GABRB1: variants seen among roughly 807,000 people sequenced by gnomAD.
The protein encoded by GABRB1 is gamma-aminobutyric acid type A receptor subunit beta1.
A neutral mutation model predicts 51.6 loss-of-function variants in GABRB1; 17 were observed. The ratio of observed to expected loss-of-function variants is 0.33; its 90% CI spans 0.23 to 0.49. The LOEUF (loss-of-function observed/expected upper bound fraction) is 0.49, where lower values mean the gene tolerates loss of function less well. GABRB1 is among the 20% of genes least tolerant of loss of function. The pLI is 0.99. For missense variants in GABRB1, 410 were observed against 600.6 expected (o/e 0.68, Z 3.32); for synonymous variants, 247 against 218.9 (o/e 1.13, Z -1.14).
chr4:47,413,071 G>T (rs1728810784), intron 8 of GABRB1, among the ~76,000 whole-genome samples: 1 of 152,158 alleles, frequency 6.6e-6, no homozygotes, highest in Non-Finnish European at 1.5e-5. Flanking sequence ...TTTTCTACTG[G>T]CACAGCTGCC....
intron 3 of GABRB1, among the ~76,000 whole-genome samples, chr4:47,143,244 C>A (rs1259562256): frequency 6.6e-6 from 1 of 151,972 alleles, no homozygotes; most frequent in East Asian, 1.9e-4. Flanking sequence ...AAGAATTCCA[C>A]ATTTTCTCTA....
At chr4:47,157,403 T>A (rs1214448697) in intron 3 of GABRB1, among the ~76,000 whole-genome samples, 1 of 152,144 alleles carries the variant, frequency 6.6e-6, no homozygotes, top group Non-Finnish European at 1.5e-5. Context: ...AGAGGCTTTC[T>A]TTTCTACCTA....
intron 4 of GABRB1, among the ~76,000 whole-genome samples, chr4:47,269,935 T>TCCACACACACACACAC: frequency 7.4e-6 from 1 of 135,970 alleles, no homozygotes; most frequent in Non-Finnish European, 1.6e-5. Flanking sequence ...CAACTCTCCC[T>TCCACACACACACACAC]ACACACACAC....
At chr4:47,014,000 C>T (rs1025969666) in intron 1 of GABRB1, among the ~76,000 whole-genome samples, 1 of 152,014 alleles carries the variant, frequency 6.6e-6, no homozygotes, top group Non-Finnish European at 1.5e-5. Context: ...AAAATTTTGT[C>T]CCATTTATTT....
intron 4 of GABRB1, among the ~76,000 whole-genome samples, chr4:47,198,039 G>A (rs944640855): frequency 1.3e-5 from 2 of 152,260 alleles, no homozygotes; most frequent in South Asian, 2.1e-4. Flanking sequence ...AGAGGGCAGC[G>A]GAAAGAGATT....
At chr4:47,045,525 G>A (rs1219979830) in intron 3 of GABRB1, among the ~76,000 whole-genome samples, 1 of 151,596 alleles carries the variant, frequency 6.6e-6, no homozygotes, top group African/African-American at 2.4e-5. Context: ...ATCACAGACT[G>A]GAAAGCTTAT....
intron 3 of GABRB1, among the ~76,000 whole-genome samples, chr4:47,096,954 T>G (rs1350162568): frequency 6.6e-6 from 1 of 152,128 alleles, no homozygotes; most frequent in Non-Finnish European, 1.5e-5. Context: ...GTAGCCAAAT[T>G]GTATCATTTT....
chr4:47,371,031 A>C (rs192363633), intron 5 of GABRB1, among the ~76,000 whole-genome samples: 1 of 152,020 alleles, frequency 6.6e-6, no homozygotes, highest in Non-Finnish European at 1.5e-5. Flanking sequence ...AGATCAACCC[A>C]TGACCCAGGT....
chr4:47,055,408 C>T (rs1009986317), intron 3 of GABRB1, among the ~76,000 whole-genome samples: 6 of 152,178 alleles, frequency 3.9e-5, no homozygotes, highest in African/African-American at 1.4e-4. Flanking sequence ...TGAAGGAGCT[C>T]AGTAGTGGGC....
chr4:47,027,183 A>G (rs1457245829), upstream of GABRB1, among the ~76,000 whole-genome samples: 1 of 151,664 alleles, frequency 6.6e-6, no homozygotes, highest in African/African-American at 2.4e-5. Context: ...GAAACAAAAT[A>G]TCATATTTAT....
chr4:47,219,168 A>T (rs1720667857), intron 4 of GABRB1, among the ~76,000 whole-genome samples: 1 of 151,910 alleles, frequency 6.6e-6, no homozygotes, highest in Admixed American at 6.6e-5. Context: ...AATGTTAATA[A>T]AATGTACATT....
At chr4:47,001,606 C>G (rs144757860) in intron 1 of GABRB1, among the ~76,000 whole-genome samples, 1 of 152,330 alleles carries the variant, frequency 6.6e-6, no homozygotes, top group East Asian at 1.9e-4. Context: ...AGAGGGAATT[C>G]TGCCAGCAGA....
At chr4:47,420,601 C>G (rs1462754820) in intron 8 of GABRB1, among the ~76,000 whole-genome samples, 1 of 152,174 alleles carries the variant, frequency 6.6e-6, no homozygotes, top group African/African-American at 2.4e-5. Context: ...ATTAATTAGG[C>G]AGCATTTGGC....
At chr4:47,366,781 T>G (rs4694846) in intron 5 of GABRB1, among the ~76,000 whole-genome samples, 2 of 152,064 alleles carry the variant, frequency 1.3e-5, no homozygotes, top group African/African-American at 4.8e-5. Context: ...TCCATTATGA[T>G]GAAAAGTTGC....
chr4:47,071,775 A>T (rs892141115), intron 3 of GABRB1, among the ~76,000 whole-genome samples: 2 of 151,932 alleles, frequency 1.3e-5, no homozygotes, highest in African/African-American at 4.8e-5. Flanking sequence ...AAGGGCATTC[A>T]AAAGGTATCT....
chr4:47,406,716 C>T lies in GABRB1; in HGVS notation c.870C>T (p.Ser290=). 6.2e-7 allele frequency: 1 copy of T among 1,614,154 alleles called. No individual in the cohort carries two copies. The highest frequency in any genetic ancestry group is 8.5e-7 in the Non-Finnish European group (1 of 1,179,992). Residue 290 remains serine, a synonymous_variant, in exon 8 of 9, where the codon AGC becomes AGT. Coordinates refer to ENST00000295454, the MANE Select transcript of GABRB1 (RefSeq NM_000812.4). ...CAGTGCTTACAATGACAACCATCAG[C>T]ACCCACCTCAGGGAGACCCTGCCAA... ...ITTVLTMTTI[S]THLRETLPKI...
At chr4:47,042,473 T>C (rs949745608) in intron 3 of GABRB1, among the ~76,000 whole-genome samples, 2 of 147,142 alleles carry the variant, frequency 1.4e-5, no homozygotes, top group Admixed American at 6.8e-5. Context: ...ACAGTATATA[T>C]ATACAAATAT....
chr4:47,081,191 C>T (rs1727827427), intron 3 of GABRB1, among the ~76,000 whole-genome samples: 1 of 152,132 alleles, frequency 6.6e-6, no homozygotes, highest in African/African-American at 2.4e-5. Flanking sequence ...TCAACCATAG[C>T]CACAAAATCT....
intron 5 of GABRB1, among the ~76,000 whole-genome samples, chr4:47,393,855 C>T (rs891847224): frequency 6.6e-6 from 1 of 152,192 alleles, no homozygotes; most frequent in African/African-American, 2.4e-5. Flanking sequence ...ACTGCATATC[C>T]TTCATGCCTA....
Sources: gnomAD v4.1 joint callset for allele counts (sites outside exome capture counted in the v4.1 genomes callset) on GRCh38, gnomAD v4.1.1 for gene constraint, MANE v1.5 for transcripts, NCBI Gene and HGNC (gene_info 2026-07-23, HGNC 2026-07-21) for gene names.